The following MYLK variants were observed in gnomAD, a reference collection of about 807,000 sequenced individuals.
The protein encoded by MYLK is myosin light chain kinase, smooth muscle.
MYLK carries 106 observed loss-of-function variants against 203.4 expected under a neutral mutation model. The observed-to-expected ratio is 0.52, with a 90% confidence interval of 0.45 to 0.61. The LOEUF (loss-of-function observed/expected upper bound fraction) is 0.61, where lower values mean the gene tolerates loss of function less well. Among genes scored for constraint, MYLK ranks in the 20% least tolerant of loss-of-function variants. The pLI, the probability that MYLK is intolerant of heterozygous loss-of-function variation, is 0.00. For synonymous variants in MYLK, 867 were observed against 959.5 expected (o/e 0.90, Z 1.78); for missense variants, 2,072 against 2,442.3 (o/e 0.85, Z 3.20).
chr3:123,752,471 C>A lies in MYLK; in HGVS notation c.233G>T (p.Arg78Leu), dbSNP rs537615379. The A allele has an allele frequency of 6.2e-7, 1 of 1,614,066 alleles. No individual in the cohort carries two copies. The highest frequency in any genetic ancestry group is 8.5e-7 in the Non-Finnish European group (1 of 1,180,042). ...CCGGATGCCGCAATCCAGCAGGAAG[C>A]GGCCCCCGCTGGTGATGGGTTGCCC... ...RNGQPITSGG[R>L]FLLDCGIRGT... Residue 78 changes from arginine (R) to leucine (L), a missense_variant, in exon 5 of 34, where the codon CGC becomes CTC. Physicochemically the swap from Arg to Leu is moderately radical, Grantham distance 102. Transcript: ENST00000360304.
At chr3:123,705,048 G>C (rs1196292480) in intron 16 of MYLK, among the ~76,000 whole-genome samples, 2 of 152,192 alleles carry the variant, frequency 1.3e-5, no homozygotes, top group Non-Finnish European at 2.9e-5. Context: ...AGCTAGGAAG[G>C]GAAGAGAGGC....
intron 2 of MYLK, among the ~76,000 whole-genome samples, chr3:123,869,058 T>G (rs1374437347): frequency 6.6e-6 from 1 of 152,144 alleles, no homozygotes; most frequent in African/African-American, 2.4e-5. Flanking sequence ...AAAGCCTTGG[T>G]CTGATTGTCC....
chr3:123,739,050 T>C lies in MYLK; in HGVS notation c.435A>G (p.Ser145=). The change falls in exon 7 of 34, where the codon TCA becomes TCG. Residue 145 remains serine (S), a synonymous_variant. Transcript: ENST00000360304. ...VVSKTLGDRF[S]APAVETRPSI... is the part of the protein sequence containing the mutation. Reference sequence around the variant, plus strand: ...TAGGACGGGTCTCCACTGCTGGAGCTGAAAATCTATCCCTGTAAGGAAATT... The same window carrying C: ...TAGGACGGGTCTCCACTGCTGGAGCCGAAAATCTATCCCTGTAAGGAAATT... 7 of 1,613,782 alleles carry C rather than the reference T, an allele frequency of 4.3e-6. No individual in the cohort carries two copies. The highest frequency in any genetic ancestry group is 5.9e-6 in the Non-Finnish European group (7 of 1,179,920).
At chr3:123,768,722 G>A (rs990582314) in intron 4 of MYLK, among the ~76,000 whole-genome samples, 5 of 152,230 alleles carry the variant, frequency 3.3e-5, no homozygotes, top group African/African-American at 1.2e-4. Flanking sequence ...GATAATCATA[G>A]TTCTATTTCT....
intron 2 of MYLK, among the ~76,000 whole-genome samples, chr3:123,844,221 C>T (rs2249898): frequency 0.84 from 127,005 of 152,040 alleles, 53,209 homozygotes; most frequent in East Asian, 0.95. Context: ...ACATGGGCCC[C>T]CAAGCTAGGA....
intron 33 of MYLK, among the ~76,000 whole-genome samples, chr3:123,614,818 G>A (rs2057379571): frequency 6.6e-6 from 1 of 150,762 alleles, no homozygotes; most frequent in African/African-American, 2.4e-5. Flanking sequence ...ACTTTTTGGG[G>A]GGTAGGGGGG....
At chr3:123,867,994 G>A (rs1031592924) in intron 2 of MYLK, among the ~76,000 whole-genome samples, 15 of 152,310 alleles carry the variant, frequency 9.8e-5, no homozygotes, top group Admixed American at 3.9e-4. Context: ...CTGATTAGCC[G>A]GGTCCTATGT....
intron 2 of MYLK, among the ~76,000 whole-genome samples, chr3:123,869,443 A>G (rs2032583255): frequency 6.6e-6 from 1 of 152,114 alleles, no homozygotes; most frequent in African/African-American, 2.4e-5. Flanking sequence ...ACAATGAAAG[A>G]CAAGAGGCCC....
At chr3:123,755,393 C>A (rs888611747) in intron 4 of MYLK, among the ~76,000 whole-genome samples, 1 of 152,146 alleles carries the variant, frequency 6.6e-6, no homozygotes, top group African/African-American at 2.4e-5. Context: ...TACACATACC[C>A]CAAGCTTACC....
chr3:123,787,032 T>C (rs2064560308), intron 4 of MYLK, among the ~76,000 whole-genome samples: 1 of 152,238 alleles, frequency 6.6e-6, no homozygotes, highest in Non-Finnish European at 1.5e-5. Context: ...CTTTGTAACA[T>C]AGTTATAGGC....
chr3:123,850,501 T>A (rs1350816591), intron 2 of MYLK, among the ~76,000 whole-genome samples: 1 of 152,254 alleles, frequency 6.6e-6, no homozygotes, highest in Non-Finnish European at 1.5e-5. Flanking sequence ...CCAGTGATGA[T>A]GAGCATTTTT....
At chr3:123,748,603 T>C (rs918923459) in intron 5 of MYLK, among the ~76,000 whole-genome samples, 11 of 152,138 alleles carry the variant, frequency 7.2e-5, no homozygotes, top group African/African-American at 2.4e-4. Context: ...ATGTAAAATA[T>C]CTCATTAATA....
At chr3:123,714,847 C>T (rs1024133209) in intron 13 of MYLK, among the ~76,000 whole-genome samples, 16 of 152,162 alleles carry the variant, frequency 1.1e-4, no homozygotes, top group African/African-American at 2.7e-4. Context: ...AAGGATTGAT[C>T]GGGCTGTCGT....
intron 27 of MYLK, 116 bp downstream of exon 27, chr3:123,647,108 C>T (rs2059046889): frequency 2.2e-6 from 2 of 928,750 alleles, no homozygotes; most frequent in South Asian, 2.8e-5. Flanking sequence ...TTACATATCA[C>T]ACTCCTGTCT....
chr3:123,860,563 G>C (rs1249429757), intron 2 of MYLK, among the ~76,000 whole-genome samples: 28 of 152,106 alleles, frequency 1.8e-4, no homozygotes. Context: ...GGTTGAATAG[G>C]ATGGAAAAGA....
At chr3:123,662,656 A>C (rs1393125416) in intron 23 of MYLK, among the ~76,000 whole-genome samples, 1 of 152,246 alleles carries the variant, frequency 6.6e-6, no homozygotes, top group Non-Finnish European at 1.5e-5. Flanking sequence ...AAGACTTCTA[A>C]CCACGGTAGC....
At chr3:123,633,436 T>C (rs1051868185) in intron 29 of MYLK, among the ~76,000 whole-genome samples, 6 of 152,208 alleles carry the variant, frequency 3.9e-5, no homozygotes, top group African/African-American at 1.4e-4. Context: ...TAGATAACAG[T>C]CATTATTTGT....
chr3:123,874,590 A>C (rs770074647), intron 2 of MYLK, among the ~76,000 whole-genome samples: 1 of 152,308 alleles, frequency 6.6e-6, no homozygotes, highest in South Asian at 2.1e-4. Context: ...TATTTCTTAG[A>C]TATAACAGCA....
chr3:123,767,952 G>A (rs1437916156), intron 4 of MYLK, among the ~76,000 whole-genome samples: 1 of 152,208 alleles, frequency 6.6e-6, no homozygotes, highest in African/African-American at 2.4e-5. Context: ...TTCAGCCTAA[G>A]GGAGCCTGGA....
Sources: gnomAD v4.1 joint callset for allele counts (sites outside exome capture counted in the v4.1 genomes callset) on GRCh38, gnomAD v4.1.1 for gene constraint, MANE v1.5 for transcripts, NCBI Gene and HGNC (gene_info 2026-07-23, HGNC 2026-07-21) for gene names.